Variants in PAX5 observed in about 807,000 individuals in gnomAD.
PAX5 encodes paired box protein Pax-5.
Under a neutral mutation model 43.7 loss-of-function variants are expected in PAX5, and 9 were observed. That is an observed-to-expected ratio of 0.21 (90% confidence interval 0.12 to 0.36). The LOEUF is 0.36. PAX5 is among the 10% of genes least tolerant of loss of function. The pLI is 1.00. For synonymous variants in PAX5, 228 were observed against 214.3 expected (o/e 1.06, Z -0.56); for missense variants, 383 against 532.7 (o/e 0.72, Z 2.77).
intron 9 of PAX5, among the ~76,000 whole-genome samples, chr9:36,843,797 C>T (rs1822306675): frequency 6.6e-6 from 1 of 152,210 alleles, no homozygotes; most frequent in African/African-American, 2.4e-5. Context: ...TGGGGGACTC[C>T]ATCTGTTGGG....
Position 37,032,074 on chromosome 9 carries a change from C to T in PAX5, c.46+1912G>A, listed in dbSNP as rs139793501. On this transcript the variant is annotated intron_variant, in intron 1 of 9. Transcript: ENST00000358127. Reference sequence around the variant, plus strand: ...GAACTGTCGCCCTTTTCCAGGCAGGCAGCTCTTCCCCAACCCATCAGTGAG... The same window carrying T: ...GAACTGTCGCCCTTTTCCAGGCAGGTAGCTCTTCCCCAACCCATCAGTGAG... Among the ~76,000 whole-genome samples, 314 of 152,290 alleles carry T rather than the reference C, an allele frequency of 2.1e-3. 3 individuals carry two copies. Among genetic ancestry groups the T allele is most frequent in the African/African-American group, 7.0e-3 (290 of 41,548 alleles).
chr9:36,952,230 C>A (rs1833063148), intron 6 of PAX5, among the ~76,000 whole-genome samples: 3 of 96,606 alleles, frequency 3.1e-5, no homozygotes, highest in East Asian at 2.4e-4. Flanking sequence ...CTCTGACCAT[C>A]TCCCTTTTTT....
intron 7 of PAX5, among the ~76,000 whole-genome samples, chr9:36,919,097 C>T (rs1375972907): frequency 2.0e-5 from 3 of 152,144 alleles, no homozygotes; most frequent in East Asian, 1.9e-4. Flanking sequence ...AAAGCCAATG[C>T]TCCTATATCA....
chr9:36,835,997 T>A lies in PAX5; in HGVS notation c.*4563A>T, dbSNP rs1271735215. On this transcript the variant is annotated 3_prime_UTR_variant, in exon 10 of 10. Transcript: ENST00000358127. ...CAGGGTGCTTGGTTGGTTTTTAAGA[T>A]TTGCTTCCCTGGCTTGGAGCTCAAT... The A allele has an allele frequency of 4.3e-5, 10 of 233,402 alleles. No homozygotes were observed. Among genetic ancestry groups the A allele is most frequent in the South Asian group, 1.8e-4 (1 of 5,532 alleles). 14.5% of individuals were successfully genotyped at this position (233,402 alleles called of 1,614,324 possible). A position where few individuals can be genotyped will look rare whatever the true frequency, so the allele number is the denominator to read the frequency against.
At chr9:37,028,691 T>C (rs1159893991) in intron 1 of PAX5, among the ~76,000 whole-genome samples, 2 of 152,152 alleles carry the variant, frequency 1.3e-5, no homozygotes, top group African/African-American at 4.8e-5. Flanking sequence ...CCAGGGCTAA[T>C]AAGGGTCCCT....
At chr9:37,018,600 A>T (rs1159862761) in intron 2 of PAX5, among the ~76,000 whole-genome samples, 2 of 133,864 alleles carry the variant, frequency 1.5e-5, no homozygotes, top group African/African-American at 5.2e-5. Flanking sequence ...CTGTGGATTG[A>T]ACGGCCCCAG....
intron 6 of PAX5, among the ~76,000 whole-genome samples, chr9:36,964,107 T>A (rs890477305): frequency 1.3e-5 from 2 of 151,500 alleles, no homozygotes; most frequent in Non-Finnish European, 2.9e-5. Context: ...GGCGAAACCC[T>A]GCCCCTACTA....
At chr9:36,962,703 A>G (rs1468312088) in intron 6 of PAX5, among the ~76,000 whole-genome samples, 1 of 152,174 alleles carries the variant, frequency 6.6e-6, no homozygotes. Flanking sequence ...TAGGACTCAA[A>G]TCAAGCTTCC....
At chr9:36,920,977 C>A (rs1371011536) in intron 7 of PAX5, among the ~76,000 whole-genome samples, 1 of 152,038 alleles carries the variant, frequency 6.6e-6, no homozygotes, top group Non-Finnish European at 1.5e-5. Context: ...CCACACCCAG[C>A]TAATTTTGTA....
intron 6 of PAX5, among the ~76,000 whole-genome samples, chr9:36,956,092 C>G (rs142285870): frequency 6.6e-6 from 1 of 152,060 alleles, no homozygotes; most frequent in African/African-American, 2.4e-5. Context: ...ATTGGATAGC[C>G]TTGTTTGAGG....
intron 5 of PAX5, among the ~76,000 whole-genome samples, chr9:36,970,363 G>C (rs1212158906): frequency 1.3e-5 from 2 of 152,100 alleles, no homozygotes; most frequent in Non-Finnish European, 2.9e-5. Flanking sequence ...AGGAACAGAG[G>C]GAGAGAGGGA....
chr9:36,972,567 C>G (rs1016720095), intron 5 of PAX5, among the ~76,000 whole-genome samples: 2 of 152,160 alleles, frequency 1.3e-5, no homozygotes, highest in African/African-American at 4.8e-5. Context: ...TCCATCCCAC[C>G]GCTAAGAGAC....
chr9:36,936,476 C>T (rs1831561600), intron 6 of PAX5, among the ~76,000 whole-genome samples: 1 of 152,214 alleles, frequency 6.6e-6, no homozygotes, highest in Admixed American at 6.5e-5. Flanking sequence ...CTTCCCACTA[C>T]ATGGCTAGTA....
At chr9:37,033,921 C>G in intron 1 of PAX5, 65 bp downstream of exon 1, 1 of 1,511,124 alleles carries the variant, frequency 6.6e-7, no homozygotes, top group South Asian at 1.1e-5. Flanking sequence ...GGTCACCCTG[C>G]GTGGGGACCA....
At chr9:36,885,125 A>G (rs1025746804) in intron 7 of PAX5, among the ~76,000 whole-genome samples, 23 of 152,212 alleles carry the variant, frequency 1.5e-4, no homozygotes, top group African/African-American at 5.3e-4. Context: ...AGAAGCTGAC[A>G]GCTTTCTGTG....
At chr9:36,995,239 C>A (rs144926523) in intron 5 of PAX5, among the ~76,000 whole-genome samples, 2 of 152,336 alleles carry the variant, frequency 1.3e-5, no homozygotes, top group East Asian at 1.9e-4. Context: ...TGTGAAGGAC[C>A]AATGACCCAA....
At chr9:36,907,542 TGA>T (rs1339670682) in intron 7 of PAX5, among the ~76,000 whole-genome samples, 1 of 152,176 alleles carries the variant, frequency 6.6e-6, no homozygotes, top group Non-Finnish European at 1.5e-5. Flanking sequence ...TATCAAATAC[TGA>T]GAGAGATTCG....
At chr9:36,971,329 A>T (rs997571745) in intron 5 of PAX5, among the ~76,000 whole-genome samples, 3 of 152,324 alleles carry the variant, frequency 2.0e-5, no homozygotes, top group Admixed American at 6.5e-5. Context: ...CAACAAACAG[A>T]TTATATGCTC....
At chr9:36,870,274 G>T (rs908214028) in intron 8 of PAX5, among the ~76,000 whole-genome samples, 1 of 152,146 alleles carries the variant, frequency 6.6e-6, no homozygotes, top group Non-Finnish European at 1.5e-5. Flanking sequence ...TCTAGGACAC[G>T]GAGGCCCCTT....
Sources: allele counts gnomAD v4.1 joint callset (sites outside exome capture counted in the v4.1 genomes callset), GRCh38; gene constraint gnomAD v4.1.1; transcripts MANE v1.5; gene names NCBI Gene and HGNC (gene_info 2026-07-23, HGNC 2026-07-21).